Variants in SORCS2 observed in about 807,000 individuals in gnomAD.
The protein encoded by SORCS2 is sortilin related VPS10 domain containing receptor 2, also known as VPS10 domain-containing receptor SorCS2.
SORCS2 carries 100 observed loss-of-function variants against 141.6 expected under a neutral mutation model. That is an observed-to-expected ratio of 0.71 (90% CI 0.60 to 0.83). SORCS2 has a LOEUF of 0.83. Among genes scored for constraint, SORCS2 ranks in the 40% least tolerant of loss-of-function variants. The probability of loss-of-function intolerance (pLI) is 0.00; values close to 1 mark genes in which losing one functional copy is unlikely to be tolerated. For missense variants in SORCS2, 1,646 were observed against 1,560.2 expected (o/e 1.05, Z -0.93); for synonymous variants, 789 against 676.9 (o/e 1.17, Z -2.57).
chr4:7,383,727 C>A, intron 1 of SORCS2, among the ~76,000 whole-genome samples: 1 of 151,890 alleles, frequency 6.6e-6, no homozygotes, highest in Non-Finnish European at 1.5e-5. Context: ...ATAGCAACGA[C>A]AAAAAACAAA....
In SORCS2 at chr4:7,724,210, AATG is replaced by A. The variant is rs1379753779; in HGVS notation, c.2611+333_2611+335del. Among the ~76,000 whole-genome samples, 5 of 138,338 alleles carry A rather than the reference AATG, an allele frequency of 3.6e-5. 1 individual carries two copies. The highest frequency in any genetic ancestry group is 2.4e-4 in the South Asian group (1 of 4,218). The allele number at this position is 138,338 out of a possible 152,430, so 90.8% of individuals were successfully genotyped here. On this transcript the variant is annotated intron_variant, in intron 19 of 26. Transcript: ENST00000507866. ...TACTGGTGGTGGTGGTGATGGTACT[AATG>A]ATGATTATAGTGGAGGTGGTAGTGA...
intron 1 of SORCS2, among the ~76,000 whole-genome samples, chr4:7,375,282 G>A (rs550572373): frequency 6.6e-5 from 10 of 152,334 alleles, no homozygotes; most frequent in South Asian, 2.1e-4. Flanking sequence ...GAATAAGGGT[G>A]TTGGACATTT....
In SORCS2 at chr4:7,704,177, G is replaced by C; in HGVS notation, c.1761G>C (p.Lys587Asn). The change falls in exon 14 of 27, where the codon AAG (lysine) becomes AAC (asparagine). Residue 587 changes from lysine to asparagine, a missense_variant and splice_region_variant. Coordinates refer to ENST00000507866, the MANE Select transcript of SORCS2 (RefSeq NM_020777.3). ...KDTSIPLKILKFSVDEGLTWS... is the reference protein window; with the variant it reads ...KDTSIPLKILNFSVDEGLTWS... Reference sequence around the variant, plus strand: ...GATGCTGACGATCTTCTCCTGGCAGGTTCAGTGTGGACGAGGGCCTCACCT... The same window carrying C: ...GATGCTGACGATCTTCTCCTGGCAGCTTCAGTGTGGACGAGGGCCTCACCT... 1 of 1,611,460 alleles carries C rather than the reference G, an allele frequency of 6.2e-7. No individual in the cohort carries two copies. Among genetic ancestry groups the C allele is most frequent in the Non-Finnish European group, 8.5e-7 (1 of 1,179,040 alleles).
intron 3 of SORCS2, among the ~76,000 whole-genome samples, chr4:7,596,895 G>A (rs1198448274): frequency 1.3e-5 from 2 of 152,206 alleles, no homozygotes; most frequent in African/African-American, 4.8e-5. Flanking sequence ...TTCAGATCAT[G>A]AAGGTCTCAC....
Position 7,277,471 on chromosome 4 carries a change from C to A in SORCS2, c.480+84345C>A, listed in dbSNP as rs563292934. Among the ~76,000 whole-genome samples, 242 of 152,284 alleles carry A rather than the reference C, an allele frequency of 1.6e-3. 2 individuals carry two copies. The highest frequency in any genetic ancestry group is 5.8e-3 in the South Asian group (28 of 4,828). ...GAGAAACGTGGCCCAGTAAGGTAAC[C>A]AGGAGTCCTGCGGAGACAGTAGAAC... On this transcript the variant is annotated intron_variant, in intron 1 of 26. Coordinates refer to ENST00000507866, the MANE Select transcript of SORCS2 (RefSeq NM_020777.3).
At chr4:7,252,608 T>C (rs1388899301) in intron 1 of SORCS2, among the ~76,000 whole-genome samples, 1 of 152,130 alleles carries the variant, frequency 6.6e-6, no homozygotes, top group East Asian at 2.0e-4. Flanking sequence ...AGCGACTCTT[T>C]ATTAGCTCCA....
chr4:7,638,512 G>T lies in SORCS2; in HGVS notation c.813+20G>T. On this transcript the variant is annotated intron_variant, in intron 4 of 26. Transcript: ENST00000507866. ...AGCAAGGTAAGATATATGGGTGCCA[G>T]TCGCCTGGTCTGTGGGGCTGGGGTC... is the stretch of plus-strand genomic sequence containing the variant. 1 of 1,601,368 alleles carries T rather than the reference G, an allele frequency of 6.2e-7. No homozygotes were observed. The highest frequency in any genetic ancestry group is 8.5e-7 in the Non-Finnish European group (1 of 1,175,822).
At chr4:7,199,933 C>T (rs1003668391) in intron 1 of SORCS2, among the ~76,000 whole-genome samples, 16 of 152,014 alleles carry the variant, frequency 1.1e-4, no homozygotes, top group Middle Eastern at 3.2e-3. Context: ...CCGACACTCC[C>T]GGGGAATGCG....
intron 1 of SORCS2, among the ~76,000 whole-genome samples, chr4:7,292,116 C>G (rs1479635688): frequency 6.6e-6 from 1 of 152,194 alleles, no homozygotes; most frequent in Admixed American, 6.5e-5. Flanking sequence ...AGCTCTCTCC[C>G]GCTGATCTCC....
At chr4:7,426,635 T>C (rs962215006) in intron 2 of SORCS2, among the ~76,000 whole-genome samples, 7 of 152,040 alleles carry the variant, frequency 4.6e-5, no homozygotes, top group Admixed American at 2.0e-4. Flanking sequence ...GGGTGTCTTG[T>C]GTGTGCCGGG....
At position 7,390,940 on chromosome 4, in the gene SORCS2, C is replaced by T. The variant is rs997989435; in HGVS notation, c.481-5348C>T. ...ACAGGTGGAGAAACCGCGAACTCTG[C>T]GAACTCAGAAACGTGCCAGTGACCA... On this transcript the variant is annotated intron_variant, in intron 1 of 26. Transcript: ENST00000507866. Among the ~76,000 whole-genome samples the T allele has an allele frequency of 3.9e-5, 6 of 152,136 alleles. No homozygotes were observed. In the South Asian group the frequency reaches 1.2e-3, roughly 32 times the overall value.
At chr4:7,543,727 C>T (rs868794553) in intron 3 of SORCS2, among the ~76,000 whole-genome samples, 18 of 62,902 alleles carry the variant, frequency 2.9e-4, no homozygotes, top group South Asian at 1.3e-3. Flanking sequence ...CACCCATCCA[C>T]CCATCCACCC....
intron 3 of SORCS2, among the ~76,000 whole-genome samples, chr4:7,604,479 G>A (rs899275579): frequency 9.2e-5 from 14 of 152,136 alleles, no homozygotes; most frequent in Admixed American, 2.6e-4. Flanking sequence ...CACCACGCAC[G>A]GCTCATTTTT....
intron 9 of SORCS2, among the ~76,000 whole-genome samples, chr4:7,677,824 G>T (rs556926607): frequency 6.6e-6 from 1 of 152,122 alleles, no homozygotes; most frequent in Admixed American, 6.5e-5. Context: ...CCCTGCAGGC[G>T]GCCCTCCTCC....
chr4:7,417,277 G>A (rs1725762382), intron 2 of SORCS2, among the ~76,000 whole-genome samples: 1 of 152,136 alleles, frequency 6.6e-6, no homozygotes, highest in African/African-American at 2.4e-5. Flanking sequence ...CTTGTGGAGT[G>A]GCTGAGAGAT....
chr4:7,537,265 AC>A (rs1560367012), intron 3 of SORCS2, among the ~76,000 whole-genome samples: 1 of 151,628 alleles, frequency 6.6e-6, no homozygotes, highest in Non-Finnish European at 1.5e-5. Flanking sequence ...GGCTCTCCAA[AC>A]CCCCTTCAAG....
At chr4:7,670,590 AG>A (rs1473030605) in intron 8 of SORCS2, among the ~76,000 whole-genome samples, 1 of 152,226 alleles carries the variant, frequency 6.6e-6, no homozygotes, top group Non-Finnish European at 1.5e-5. Context: ...CCCACCTAGA[AG>A]GCAACGACAC....
intron 2 of SORCS2, among the ~76,000 whole-genome samples, chr4:7,507,027 G>A (rs913799581): frequency 3.4e-4 from 51 of 152,198 alleles, no homozygotes; most frequent in African/African-American, 1.2e-3. Context: ...CCCTCACTGT[G>A]ATCAGTGGCA....
intron 2 of SORCS2, chr4:7,434,828 T>A: frequency 1.3e-6 from 2 of 1,595,806 alleles, no homozygotes; most frequent in Non-Finnish European, 1.7e-6. Context: ...GAGGTGGGGC[T>A]GGCCCTGGTG....
Sources: gnomAD v4.1 joint callset for allele counts (sites outside exome capture counted in the v4.1 genomes callset) on GRCh38, gnomAD v4.1.1 for gene constraint, MANE v1.5 for transcripts, NCBI Gene and HGNC (gene_info 2026-07-23, HGNC 2026-07-21) for gene names.